TOPAZ1: variants seen among roughly 807,000 people sequenced by gnomAD.
TOPAZ1 encodes the protein protein TOPAZ1.
TOPAZ1 carries 66 observed loss-of-function variants against 172.2 expected under a neutral mutation model. The ratio of observed to expected loss-of-function variants is 0.38; its 90% CI spans 0.31 to 0.47. The LOEUF is 0.47. TOPAZ1 is among the 20% of genes least tolerant of loss of function. TOPAZ1 has a pLI of 0.99. For synonymous variants in TOPAZ1, 681 were observed against 683.9 expected (o/e 1.00, Z 0.07); for missense variants, 1,822 against 1,972.4 (o/e 0.92, Z 1.44).
At chr3:44,263,081 A>G (rs997678800) in intron 5 of TOPAZ1, among the ~76,000 whole-genome samples, 25 of 152,182 alleles carry the variant, frequency 1.6e-4, no homozygotes, top group Non-Finnish European at 3.2e-4. Context: ...GTCCCATCTC[A>G]GATCTCTGAA....
chr3:44,305,403 T>A, intron 14 of TOPAZ1, 82 bp downstream of exon 14: 2 of 1,242,524 alleles, frequency 1.6e-6, no homozygotes, highest in Non-Finnish European at 2.2e-6. Context: ...AGGGTCTTCC[T>A]TTGTTACCCA....
intron 18 of TOPAZ1, among the ~76,000 whole-genome samples, chr3:44,325,749 T>C (rs1365267563): frequency 1.3e-5 from 2 of 152,136 alleles, no homozygotes; most frequent in Admixed American, 6.5e-5. Context: ...GTTCAAGTGA[T>C]TCTCCTGCCT....
intron 1 of TOPAZ1, 29 bp from the exon 2 acceptor site, chr3:44,242,824 T>C (rs1324232029): frequency 1.4e-6 from 2 of 1,444,554 alleles, no homozygotes; most frequent in Non-Finnish European, 9.1e-7. Flanking sequence ...TATAAAATCT[T>C]TTCTGATATA....
chr3:44,320,662 T>G (rs192639134), intron 16 of TOPAZ1, among the ~76,000 whole-genome samples: 2 of 152,298 alleles, frequency 1.3e-5, no homozygotes, highest in African/African-American at 4.8e-5. Context: ...ATTAAATTAT[T>G]TATTGTGAAA....
chr3:44,284,832 A>C (rs9859565), intron 9 of TOPAZ1, among the ~76,000 whole-genome samples: 72,553 of 151,988 alleles, frequency 0.48, 18,197 homozygotes, highest in East Asian at 0.8. Flanking sequence ...TTTTAGAAAG[A>C]TGACAATTTC....
intron 17 of TOPAZ1, among the ~76,000 whole-genome samples, chr3:44,321,964 G>T (rs1360917140): frequency 6.6e-6 from 1 of 152,152 alleles, no homozygotes; most frequent in African/African-American, 2.4e-5. Flanking sequence ...ACAGATAGTT[G>T]TGCCAGATTT....
chr3:44,256,633 G>A (rs947104343), intron 4 of TOPAZ1, among the ~76,000 whole-genome samples: 11 of 151,926 alleles, frequency 7.2e-5, no homozygotes, highest in Non-Finnish European at 1.5e-4. Context: ...TAATTTTCAG[G>A]TAGCATAGTA....
chr3:44,288,225 A>G (rs1700100050), intron 11 of TOPAZ1, among the ~76,000 whole-genome samples: 3 of 152,154 alleles, frequency 2.0e-5, no homozygotes, highest in Admixed American at 2.0e-4. Flanking sequence ...AGTATTTGAT[A>G]CTACTCAATC....
intron 16 of TOPAZ1, among the ~76,000 whole-genome samples, chr3:44,312,373 G>C (rs1317357558): frequency 6.6e-6 from 1 of 152,158 alleles, no homozygotes; most frequent in Non-Finnish European, 1.5e-5. Context: ...AGTAATAGTG[G>C]CTGACTCTGC....
intron 18 of TOPAZ1, among the ~76,000 whole-genome samples, chr3:44,326,498 GT>G (rs893028266): frequency 6.6e-6 from 1 of 151,482 alleles, no homozygotes; most frequent in Non-Finnish European, 1.5e-5. Context: ...TTTTGATTGG[GT>G]TTTTTTGGTT....
chr3:44,320,990 A>C (rs1329542720), intron 16 of TOPAZ1, 37 bp from the exon 17 acceptor site: 1 of 1,362,184 alleles, frequency 7.3e-7, no homozygotes, highest in African/African-American at 1.5e-5. Context: ...TGTCATTTTC[A>C]TGGTATAAAC....
intron 2 of TOPAZ1, among the ~76,000 whole-genome samples, chr3:44,251,824 CA>C (rs1472731705): frequency 6.6e-6 from 1 of 152,138 alleles, no homozygotes; most frequent in East Asian, 1.9e-4. Flanking sequence ...TAGCCTCATC[CA>C]AATCTCTTTT....
At chr3:44,273,856 T>A (rs965163699) in intron 8 of TOPAZ1, among the ~76,000 whole-genome samples, 3 of 152,154 alleles carry the variant, frequency 2.0e-5, no homozygotes, top group Non-Finnish European at 4.4e-5. Flanking sequence ...AAATTATTAA[T>A]TCAAACAAGA....
chr3:44,263,663 T>C (rs942057279), intron 5 of TOPAZ1, among the ~76,000 whole-genome samples: 1 of 152,190 alleles, frequency 6.6e-6, no homozygotes. Context: ...GTCCCTCTTC[T>C]TCCTATTTTT....
At chr3:44,317,923 T>C (rs1638539474) in intron 16 of TOPAZ1, among the ~76,000 whole-genome samples, 1 of 152,270 alleles carries the variant, frequency 6.6e-6, no homozygotes, top group Non-Finnish European at 1.5e-5. Context: ...TGACTTCTCA[T>C]TTATCAGTTT....
chr3:44,251,962 A>ATT (rs952976624), intron 2 of TOPAZ1, among the ~76,000 whole-genome samples: 25 of 151,434 alleles, frequency 1.7e-4, no homozygotes, highest in Non-Finnish European at 4.4e-5. Context: ...TCACTTTATG[A>ATT]TTTTTTTTTC....
At chr3:44,249,671 A>G (rs1699607011) in intron 2 of TOPAZ1, among the ~76,000 whole-genome samples, 2 of 152,148 alleles carry the variant, frequency 1.3e-5, no homozygotes, top group African/African-American at 4.8e-5. Context: ...CTTCATTTGC[A>G]AGTCCAGTCC....
intron 18 of TOPAZ1, 114 bp downstream of exon 18, chr3:44,323,409 A>C: frequency 1.7e-6 from 1 of 605,190 alleles, no homozygotes; most frequent in Non-Finnish European, 2.7e-6. Context: ...AGTAATACAT[A>C]TTCAAATGTA....
chr3:44,311,106 AACAC>A (rs1207745237), intron 16 of TOPAZ1, among the ~76,000 whole-genome samples: 2 of 152,166 alleles, frequency 1.3e-5, no homozygotes, highest in African/African-American at 4.8e-5. Flanking sequence ...AAAACACACT[AACAC>A]ACAAACACTA....
Sources: allele counts gnomAD v4.1 joint callset (sites outside exome capture counted in the v4.1 genomes callset), GRCh38; gene constraint gnomAD v4.1.1; transcripts MANE v1.5; gene names NCBI Gene and HGNC (gene_info 2026-07-23, HGNC 2026-07-21).